The following IMMP2L variants were observed in gnomAD, a reference collection of about 807,000 sequenced individuals.
IMMP2L encodes mitochondrial inner membrane protease subunit 2.
IMMP2L carries 18 observed loss-of-function variants against 19.3 expected under a neutral mutation model. That is an observed-to-expected ratio of 0.93 (90% CI 0.64 to 1.38). The LOEUF (loss-of-function observed/expected upper bound fraction) is 1.38. IMMP2L is among the 40% of genes most tolerant of loss of function. IMMP2L has a pLI of 0.00. For missense variants in IMMP2L, 233 were observed against 218.2 expected, an observed-to-expected ratio of 1.07 and a Z score of -0.43; for synonymous variants, 76 against 73.0, an observed-to-expected ratio of 1.04 and a Z score of -0.21.
At chr7:111,500,913 T>C (rs982793242) in intron 2 of IMMP2L, among the ~76,000 whole-genome samples, 10 of 151,928 alleles carry the variant, frequency 6.6e-5, no homozygotes, top group African/African-American at 2.4e-4. Context: ...AAAAGCAGAG[T>C]GCCTCTCCTC....
At chr7:111,243,646 C>T (rs1381875078) in intron 3 of IMMP2L, among the ~76,000 whole-genome samples, 3 of 116,054 alleles carry the variant, frequency 2.6e-5, no homozygotes, top group Non-Finnish European at 5.3e-5. Context: ...AGGTATATCT[C>T]CCAATGCTAT....
At chr7:111,545,934 C>A (rs1455985353) in intron 1 of IMMP2L, among the ~76,000 whole-genome samples, 1 of 152,128 alleles carries the variant, frequency 6.6e-6, no homozygotes, top group East Asian at 1.9e-4. Flanking sequence ...CAGAAATATT[C>A]TATGCCTATA....
chr7:111,014,313 T>C (rs1296190689), intron 3 of IMMP2L, among the ~76,000 whole-genome samples: 1 of 151,796 alleles, frequency 6.6e-6, no homozygotes, highest in Non-Finnish European at 1.5e-5. Context: ...CGAGATTGCA[T>C]CATTGCACTC....
chr7:110,718,377 T>C (rs1795359752), intron 5 of IMMP2L, among the ~76,000 whole-genome samples: 1 of 152,172 alleles, frequency 6.6e-6, no homozygotes, highest in Non-Finnish European at 1.5e-5. Context: ...ATTATGGAGT[T>C]TAACAAGAAT....
At chr7:110,737,640 C>A (rs763289376) in intron 5 of IMMP2L, among the ~76,000 whole-genome samples, 14 of 152,190 alleles carry the variant, frequency 9.2e-5, no homozygotes, top group Non-Finnish European at 1.6e-4. Context: ...ATGGCCCTGC[C>A]CACCACTTGA....
At chr7:110,873,723 A>G (rs799630) in intron 5 of IMMP2L, among the ~76,000 whole-genome samples, 24,942 of 151,168 alleles carry the variant, frequency 0.16, 4,378 homozygotes, top group African/African-American at 0.44. Flanking sequence ...GCAGTGAGCC[A>G]AGATGGTGCC....
chr7:111,321,260 A>G lies in IMMP2L; in HGVS notation c.239+165978T>C, dbSNP rs7793270. Among the ~76,000 whole-genome samples, 471 of 152,104 alleles carry G rather than the reference A, an allele frequency of 3.1e-3. 2 individuals are homozygous for G. Among genetic ancestry groups the G allele is most frequent in the Middle Eastern group, 0.027 (8 of 294 alleles). Reference sequence around the variant, plus strand: ...GTCCATACAGTGAGAATGTAAGTCAACACACAATTGGCTCAGGGTAAGCAG... The same window carrying G: ...GTCCATACAGTGAGAATGTAAGTCAGCACACAATTGGCTCAGGGTAAGCAG... On this transcript the variant is annotated intron_variant, in intron 3 of 5. Coordinates refer to ENST00000405709, the MANE Select transcript of IMMP2L (RefSeq NM_032549.4).
Position 110,733,310 on chromosome 7 carries a change from T to C in IMMP2L, c.409-69589A>G, listed in dbSNP as rs140712622. ...TGTCAGTTATCACATGTAGAATTTA[T>C]GCAGTAAGATGGATGAAGAATTGAG... On this transcript the variant is annotated intron_variant, in intron 5 of 5. Transcript: ENST00000405709. 4.1e-4 allele frequency among the ~76,000 whole-genome samples: 62 copies of C among 152,298 alleles called. No individual in the cohort carries two copies. In the East Asian group the frequency reaches 9.1e-3, roughly 22 times the overall value.
At chr7:111,228,030 A>G (rs1293593021) in intron 3 of IMMP2L, among the ~76,000 whole-genome samples, 1 of 152,160 alleles carries the variant, frequency 6.6e-6, no homozygotes, top group Admixed American at 6.6e-5. Flanking sequence ...ATTGAAACCT[A>G]GCCATAGGCC....
intron 5 of IMMP2L, among the ~76,000 whole-genome samples, chr7:110,691,589 C>T (rs1793509169): frequency 6.6e-6 from 1 of 151,930 alleles, no homozygotes. Flanking sequence ...CCATAATCTA[C>T]AAGAAACTCA....
chr7:111,087,369 A>G (rs919036623), intron 3 of IMMP2L, among the ~76,000 whole-genome samples: 1 of 151,856 alleles, frequency 6.6e-6, no homozygotes, highest in Non-Finnish European at 1.5e-5. Context: ...GAATCACTTG[A>G]ACCCGGAAGG....
At chr7:111,218,236 C>A (rs1812163503) in intron 3 of IMMP2L, among the ~76,000 whole-genome samples, 1 of 152,014 alleles carries the variant, frequency 6.6e-6, no homozygotes, top group Non-Finnish European at 1.5e-5. Context: ...CAAGACATCA[C>A]CAGACCTGGT....
intron 5 of IMMP2L, among the ~76,000 whole-genome samples, chr7:110,738,286 G>C (rs1261071268): frequency 6.6e-6 from 1 of 152,164 alleles, no homozygotes; most frequent in African/African-American, 2.4e-5. Flanking sequence ...GAAAGTTGAA[G>C]TCCAAATTAA....
intron 3 of IMMP2L, among the ~76,000 whole-genome samples, chr7:111,057,661 A>G (rs912820525): frequency 2.0e-5 from 3 of 152,328 alleles, no homozygotes; most frequent in East Asian, 1.9e-4. Context: ...TCTCAAATCT[A>G]ATAAATATAT....
Position 110,683,362 on chromosome 7 carries a change from C to T in IMMP2L, c.409-19641G>A, listed in dbSNP as rs183270236. Among the ~76,000 whole-genome samples the T allele has an allele frequency of 4.7e-3, 717 of 152,048 alleles. 5 individuals carry two copies. Among genetic ancestry groups the T allele is most frequent in the Non-Finnish European group, 8.3e-3 (566 of 67,954 alleles). On this transcript the variant is annotated intron_variant, in intron 5 of 5. Transcript: ENST00000405709. ...AATACTTTATATAATTTTTAGCTGA[C>T]TTTTAAATGAATTTCACAAGCTTTT...
At chr7:110,769,684 T>C (rs1329863390) in intron 5 of IMMP2L, among the ~76,000 whole-genome samples, 1 of 151,560 alleles carries the variant, frequency 6.6e-6, no homozygotes, top group Non-Finnish European at 1.5e-5. Context: ...CCACTTAACA[T>C]GGATAACTGG....
At chr7:111,220,283 G>T (rs1375835257) in intron 3 of IMMP2L, among the ~76,000 whole-genome samples, 2 of 151,756 alleles carry the variant, frequency 1.3e-5, no homozygotes, top group Non-Finnish European at 2.9e-5. Context: ...TATTTTATAG[G>T]TATTATACGA....
Position 110,743,887 on chromosome 7 carries a change from G to A in IMMP2L, c.409-80166C>T, listed in dbSNP as rs929365123. On this transcript the variant is annotated intron_variant, in intron 5 of 5. Coordinates refer to ENST00000405709, the MANE Select transcript of IMMP2L (RefSeq NM_032549.4). ...TTTTTTTTTTTCATGTCACAGTGGC[G>A]CCTGGAACACCAGTGAAACAGAACC... Among the ~76,000 whole-genome samples, 6 of 151,988 alleles carry A rather than the reference G, an allele frequency of 3.9e-5. No homozygotes were observed. In the East Asian group the frequency reaches 7.7e-4, roughly 20 times the overall value.
intron 3 of IMMP2L, among the ~76,000 whole-genome samples, chr7:111,427,493 G>C (rs1836198695): frequency 6.6e-6 from 1 of 151,712 alleles, no homozygotes; most frequent in Non-Finnish European, 1.5e-5. Flanking sequence ...TCATTTGTTA[G>C]TACAAATAAT....
Sources: allele counts gnomAD v4.1 joint callset (sites outside exome capture counted in the v4.1 genomes callset), GRCh38; gene constraint gnomAD v4.1.1; transcripts MANE v1.5; gene names NCBI Gene and HGNC (gene_info 2026-07-23, HGNC 2026-07-21).